Variants in KLF12 observed in about 807,000 individuals in gnomAD.
KLF12 encodes KLF transcription factor 12, also known as Krueppel-like factor 12.
In KLF12, 9 loss-of-function variants were observed where a neutral mutation model predicts 37.8. The observed-to-expected ratio is 0.24, with a 90% CI of 0.14 to 0.42. The LOEUF is 0.42. Ranked by LOEUF, KLF12 falls within the 10% of genes least tolerant of loss-of-function variation. The pLI, the probability that KLF12 is intolerant of heterozygous loss-of-function variation, is 1.00. For missense variants in KLF12, 411 were observed against 516.0 expected (o/e 0.80, Z 1.97); for synonymous variants, 208 against 202.1 (o/e 1.03, Z -0.25).
chr13:73,737,757 C>T (rs1214626282), intron 6 of KLF12, among the ~76,000 whole-genome samples: 1 of 151,846 alleles, frequency 6.6e-6, no homozygotes, highest in Non-Finnish European at 1.5e-5. Flanking sequence ...TTAGGTATAT[C>T]TAAAAGCTGA....
At chr13:73,897,477 C>T (rs1444356542) in intron 3 of KLF12, among the ~76,000 whole-genome samples, 1 of 152,158 alleles carries the variant, frequency 6.6e-6, no homozygotes, top group Non-Finnish European at 1.5e-5. Flanking sequence ...AGGTATTCCT[C>T]CAGGGCTCTC....
intron 6 of KLF12, among the ~76,000 whole-genome samples, chr13:73,716,580 T>C (rs924669773): frequency 1.3e-5 from 2 of 152,182 alleles, no homozygotes; most frequent in African/African-American, 4.8e-5. Context: ...TTCTCCTCCT[T>C]CCAGGGAAGA....
intron 1 of KLF12, among the ~76,000 whole-genome samples, chr13:74,090,114 T>C (rs1422225506): frequency 6.6e-6 from 1 of 152,050 alleles, no homozygotes; most frequent in Admixed American, 6.5e-5. Context: ...TAACTCAATA[T>C]ACAAAAATCA....
the KLF12 span, chr13:74,258,381 C>CCTATAAAG: frequency 6.6e-6 from 1 of 152,200 alleles, no homozygotes; most frequent in Non-Finnish European, 1.5e-5. Context: ...AGTTCCAATA[C>CCTATAAAG]CTATAAAGTG....
intron 1 of KLF12, among the ~76,000 whole-genome samples, chr13:74,050,810 A>G (rs1036860019): frequency 2.0e-5 from 3 of 152,352 alleles, no homozygotes; most frequent in Middle Eastern, 3.4e-3. Context: ...AATATCTGCT[A>G]AACATTCATT....
At chr13:73,923,627 G>C (rs1889229641) in intron 3 of KLF12, among the ~76,000 whole-genome samples, 1 of 152,132 alleles carries the variant, frequency 6.6e-6, no homozygotes, top group African/African-American at 2.4e-5. Context: ...CAGCACCTTA[G>C]AAATCACAGT....
At chr13:73,815,321 G>A (rs1200498466) in intron 4 of KLF12, among the ~76,000 whole-genome samples, 4 of 152,170 alleles carry the variant, frequency 2.6e-5, no homozygotes, top group Non-Finnish European at 5.9e-5. Context: ...TATCATTTAA[G>A]ATTTATTTTC....
At chr13:73,806,777 CAT>C (rs1180741055) in intron 5 of KLF12, among the ~76,000 whole-genome samples, 1 of 151,800 alleles carries the variant, frequency 6.6e-6, no homozygotes, top group African/African-American at 2.4e-5. Flanking sequence ...ATGAAAATTA[CAT>C]GAGTTTTCAT....
the KLF12 span, among the ~76,000 whole-genome samples, chr13:74,217,456 C>T: frequency 9.2e-3 from 1,401 of 152,068 alleles, 14 homozygotes; most frequent in African/African-American, 0.03. Flanking sequence ...AGGCTGGGCG[C>T]GGTGGCTCAT....
At chr13:74,286,838 G>A in the KLF12 span, among the ~76,000 whole-genome samples, 2 of 152,156 alleles carry the variant, frequency 1.3e-5, no homozygotes, top group African/African-American at 2.4e-5. Context: ...GATTCAGTGT[G>A]CCTTCCATGA....
intron 6 of KLF12, among the ~76,000 whole-genome samples, chr13:73,751,117 T>A (rs1187772269): frequency 6.6e-6 from 1 of 152,210 alleles, no homozygotes; most frequent in African/African-American, 2.4e-5. Flanking sequence ...GTATATGTGA[T>A]ACATTTTCTT....
At chr13:74,216,224 AC>A in the KLF12 span, among the ~76,000 whole-genome samples, 4 of 152,202 alleles carry the variant, frequency 2.6e-5, no homozygotes, top group Non-Finnish European at 5.9e-5. Flanking sequence ...TGTTAAAAAA[AC>A]TTTTAAAAAG....
chr13:74,011,062 T>C (rs1892538055), intron 1 of KLF12, among the ~76,000 whole-genome samples: 1 of 152,168 alleles, frequency 6.6e-6, no homozygotes, highest in Admixed American at 6.5e-5. Context: ...CTCTTTAATA[T>C]CAGTGATCTT....
intron 3 of KLF12, among the ~76,000 whole-genome samples, chr13:73,894,758 T>C (rs762283908): frequency 9.2e-5 from 14 of 152,236 alleles, no homozygotes; most frequent in Non-Finnish European, 1.3e-4. Context: ...CTGATTTTAA[T>C]GAAAATTCTT....
At chr13:74,279,029 A>C in the KLF12 span, among the ~76,000 whole-genome samples, 1 of 152,192 alleles carries the variant, frequency 6.6e-6, no homozygotes, top group Non-Finnish European at 1.5e-5. Flanking sequence ...AAGCTCTGGC[A>C]GTATCAACTC....
the KLF12 span, among the ~76,000 whole-genome samples, chr13:74,168,109 A>G: frequency 1.3e-5 from 2 of 152,260 alleles, no homozygotes; most frequent in Admixed American, 6.5e-5. Flanking sequence ...CTATCATTAT[A>G]TGAACTGGCT....
the KLF12 span, among the ~76,000 whole-genome samples, chr13:74,280,302 T>G: frequency 6.6e-6 from 1 of 152,190 alleles, no homozygotes; most frequent in Non-Finnish European, 1.5e-5. Context: ...ATGATCTTTT[T>G]GGGTAGAGTG....
chr13:74,156,936 G>A, the KLF12 span, among the ~76,000 whole-genome samples: 1 of 152,130 alleles, frequency 6.6e-6, no homozygotes, highest in Non-Finnish European at 1.5e-5. Flanking sequence ...AACGAACATA[G>A]GAGTGCAGGT....
intron 3 of KLF12, among the ~76,000 whole-genome samples, chr13:73,906,732 G>A (rs1888318774): frequency 1.3e-5 from 2 of 152,144 alleles, no homozygotes; most frequent in South Asian, 2.1e-4. Flanking sequence ...GGTGAAAAAT[G>A]ATTGTGACCT....
Sources: gnomAD v4.1 joint callset for allele counts (sites outside exome capture counted in the v4.1 genomes callset) on GRCh38, gnomAD v4.1.1 for gene constraint, MANE v1.5 for transcripts, NCBI Gene and HGNC (gene_info 2026-07-23, HGNC 2026-07-21) for gene names.